PLCL1: variants seen among roughly 807,000 people sequenced by gnomAD.
The protein encoded by PLCL1 is phospholipase C like 1 (inactive).
In PLCL1, 41 loss-of-function variants were observed where a neutral mutation model predicts 84.4. That is an observed-to-expected ratio of 0.49 (90% CI 0.38 to 0.63). The LOEUF (loss-of-function observed/expected upper bound fraction) is 0.63. Ranked by LOEUF, PLCL1 falls within the 30% of genes least tolerant of loss-of-function variation. The probability of loss-of-function intolerance (pLI) is 0.00; values close to 1 mark genes in which losing one functional copy is unlikely to be tolerated. For synonymous variants in PLCL1, 490 were observed against 488.3 expected (o/e 1.00, Z -0.05); for missense variants, 1,206 against 1,367.8 (o/e 0.88, Z 1.87).
At chr2:198,073,450 C>T (rs984276844) in intron 1 of PLCL1, among the ~76,000 whole-genome samples, 11 of 152,252 alleles carry the variant, frequency 7.2e-5, no homozygotes, top group African/African-American at 1.2e-4. Context: ...TAACCCATTC[C>T]GGAAGTTATG....
rs548470182 is a variant in PLCL1, at chr2:198,087,854, G to A, written c.2716-1004G>A. ...TTAAAAATTAAAGAAAATAAATCCAGGATTGCCTAATACCAAAATCCATTT... is the reference window on the plus strand; with the variant it reads ...TTAAAAATTAAAGAAAATAAATCCAAGATTGCCTAATACCAAAATCCATTT... On this transcript the variant is annotated intron_variant, in intron 2 of 5. Transcript: ENST00000428675. Among the ~76,000 whole-genome samples, 360 of 152,126 alleles carry A rather than the reference G, an allele frequency of 2.4e-3. 1 individual carries two copies. The highest frequency in any genetic ancestry group is 8.1e-3 in the African/African-American group (337 of 41,494).
At chr2:197,890,544 A>G (rs1687994452) in intron 1 of PLCL1, among the ~76,000 whole-genome samples, 1 of 151,934 alleles carries the variant, frequency 6.6e-6, no homozygotes, top group African/African-American at 2.4e-5. Flanking sequence ...ATTATACAAA[A>G]TTCAAATTAA....
chr2:197,976,069 C>T (rs10931797), intron 1 of PLCL1, among the ~76,000 whole-genome samples: 74,270 of 151,884 alleles, frequency 0.49, 18,665 homozygotes, highest in Middle Eastern at 0.58. Flanking sequence ...CACTCTTGGC[C>T]TTATTCTAAA....
intron 1 of PLCL1, among the ~76,000 whole-genome samples, chr2:197,955,782 T>C (rs1036427320): frequency 6.6e-6 from 1 of 151,738 alleles, no homozygotes; most frequent in Non-Finnish European, 1.5e-5. Flanking sequence ...TTTTTTTTCC[T>C]TTCCTTTTTT....
chr2:198,010,462 A>T (rs1015359805), intron 1 of PLCL1, among the ~76,000 whole-genome samples: 7 of 151,848 alleles, frequency 4.6e-5, no homozygotes. Flanking sequence ...TGGTTATTAC[A>T]TTGGTTAATT....
chr2:197,805,327 C>A lies in PLCL1; in HGVS notation c.228C>A (p.Ser76Arg). 7.6e-7 allele frequency: 1 copy of A among 1,321,348 alleles called. No individual in the cohort carries two copies. The highest frequency in any genetic ancestry group is 2.2e-5 in the South Asian group (1 of 45,462). The allele number at this position is 1,321,348 out of a possible 1,614,324, so 81.9% of individuals were successfully genotyped here. A position where few individuals can be genotyped will look rare whatever the true frequency, so the allele number is the denominator to read the frequency against. The stretch of plus-strand genomic sequence containing the variant: ...CAGCACGGGCGACCCCCCGGCGCAG[C>A]AGCATCATCAAGGTAAGCAAAGCCG... ...LEAARATPRR[S>R]SIIKDPSNQK... The change falls in exon 1 of 6, where the codon AGC (serine) becomes AGA (arginine). Residue 76 changes from serine (S) to arginine (R), a missense_variant. Physicochemically the swap from Ser to Arg is moderately radical, Grantham distance 110. Transcript: ENST00000428675. The surrounding 1 kb of genome is among the most constrained non-coding windows in gnomAD (Gnocchi z 4.0).
At chr2:197,918,322 T>A (rs1296920174) in intron 1 of PLCL1, among the ~76,000 whole-genome samples, 1 of 152,122 alleles carries the variant, frequency 6.6e-6, no homozygotes, top group Non-Finnish European at 1.5e-5. Flanking sequence ...GAGAGGAGCC[T>A]AAGGCGGAGA....
At chr2:198,089,128 C>T in intron 3 of PLCL1, 67 bp downstream of exon 3, 1 of 1,140,914 alleles carries the variant, frequency 8.8e-7, no homozygotes, top group South Asian at 1.2e-5. Flanking sequence ...AGCAGGGACT[C>T]CTCTGTGGAA....
intron 5 of PLCL1, among the ~76,000 whole-genome samples, chr2:198,142,349 A>G (rs2105946687): frequency 6.6e-6 from 1 of 152,272 alleles, no homozygotes; most frequent in East Asian, 1.9e-4. Context: ...TGTTGTGACA[A>G]TATTTCTTGT....
rs74890989 is a variant in PLCL1 at position 197,806,836 on chromosome 2, C to T, written c.240+1497C>T. Among the ~76,000 whole-genome samples the T allele has an allele frequency of 6.2e-4, 94 of 152,188 alleles. 1 individual carries two copies. Among genetic ancestry groups the T allele is most frequent in the African/African-American group, 2.2e-3 (93 of 41,524 alleles). On this transcript the variant is annotated intron_variant, in intron 1 of 5. Transcript: ENST00000428675. ...AAAATATATGACAATAAAGAGCAAACGGCTCTATAATGTTGTAAAAAACAA... is the reference window on the plus strand; with the variant it reads ...AAAATATATGACAATAAAGAGCAAATGGCTCTATAATGTTGTAAAAAACAA...
chr2:198,017,668 C>G (rs551166960), intron 1 of PLCL1, among the ~76,000 whole-genome samples: 1 of 152,336 alleles, frequency 6.6e-6, no homozygotes, highest in South Asian at 2.1e-4. Context: ...AAGAGAATCT[C>G]TGCTTTTGCC....
chr2:197,970,555 T>A (rs1689842475), intron 1 of PLCL1, among the ~76,000 whole-genome samples: 2 of 152,250 alleles, frequency 1.3e-5, no homozygotes, highest in African/African-American at 4.8e-5. Context: ...TCAATAATTT[T>A]TGAATATTAG....
At chr2:198,037,566 C>G (rs1691576468) in intron 1 of PLCL1, among the ~76,000 whole-genome samples, 2 of 152,172 alleles carry the variant, frequency 1.3e-5, no homozygotes, top group South Asian at 4.1e-4. Flanking sequence ...CTTCCTTCAA[C>G]ATCCACTTAA....
At chr2:197,843,507 G>A (rs1687054523) in intron 1 of PLCL1, among the ~76,000 whole-genome samples, 1 of 152,068 alleles carries the variant, frequency 6.6e-6, no homozygotes, top group African/African-American at 2.4e-5. Context: ...CTCTTCCAAG[G>A]TAGAAATAAT....
intron 1 of PLCL1, among the ~76,000 whole-genome samples, chr2:197,976,750 G>A (rs190208569): frequency 3.1e-4 from 47 of 152,190 alleles, no homozygotes; most frequent in Admixed American, 1.4e-3. Context: ...CCCGGCCAAA[G>A]AACTTTATTT....
chr2:197,946,224 A>G (rs1452651178), intron 1 of PLCL1, among the ~76,000 whole-genome samples: 2 of 152,204 alleles, frequency 1.3e-5, no homozygotes, highest in South Asian at 2.1e-4. Context: ...CTATTTATTT[A>G]TATGAAAAAT....
rs753079745 is a variant in PLCL1 at position 198,084,113 on chromosome 2, A to C, written c.596A>C (p.Glu199Ala). 6.2e-7 allele frequency: 1 copy of C among 1,614,130 alleles called. No individual in the cohort carries two copies. The highest frequency in any genetic ancestry group is 1.1e-5 in the South Asian group (1 of 91,076). Reference sequence around the variant, plus strand: ...TCCATACTCCACGGGGAAAACTATGAGTCTCTGGACCTAGTTGCCAATTCA... The same window carrying C: ...TCCATACTCCACGGGGAAAACTATGCGTCTCTGGACCTAGTTGCCAATTCA... The part of the protein sequence containing the change: ...AFSILHGENY[E>A]SLDLVANSAD... Residue 199 changes from glutamate (E) to alanine (A), a missense_variant, in exon 2 of 6, where the codon GAG (glutamate) becomes GCG (alanine). By Grantham distance (107) the Glu-to-Ala change is moderately radical (BLOSUM62 -1). Coordinates refer to ENST00000428675, the MANE Select transcript of PLCL1 (RefSeq NM_006226.4).
At chr2:198,079,348 A>G (rs962137302) in intron 1 of PLCL1, among the ~76,000 whole-genome samples, 2 of 151,878 alleles carry the variant, frequency 1.3e-5, no homozygotes, top group African/African-American at 4.8e-5. Flanking sequence ...GTCTCATTTA[A>G]TCATGATTGG....
intron 1 of PLCL1, among the ~76,000 whole-genome samples, chr2:198,077,734 A>G (rs935166376): frequency 6.6e-6 from 1 of 152,142 alleles, no homozygotes; most frequent in African/African-American, 2.4e-5. Context: ...GGGCAACTTC[A>G]CCTAGATGGC....
Sources: gnomAD v4.1 joint callset for allele counts (sites outside exome capture counted in the v4.1 genomes callset) on GRCh38, gnomAD v4.1.1 for gene constraint, Gnocchi (gnomAD v3.1) non-coding constraint, MANE v1.5 for transcripts, NCBI Gene and HGNC (gene_info 2026-07-23, HGNC 2026-07-21) for gene names.